PRTG: variants seen among roughly 807,000 people sequenced by gnomAD.
The protein encoded by PRTG is immunoglobulin superfamily, DCC subclass, member 5.
PRTG carries 67 observed loss-of-function variants against 122.5 expected under a neutral mutation model. That is an observed-to-expected ratio of 0.55 (90% CI 0.45 to 0.67). The LOEUF (loss-of-function observed/expected upper bound fraction) is 0.67, where lower values mean the gene tolerates loss of function less well. PRTG is among the 30% of genes least tolerant of loss of function. PRTG has a pLI of 0.00. For missense variants in PRTG, 1,435 were observed against 1,415.4 expected (o/e 1.01, Z -0.22); for synonymous variants, 554 against 501.1 (o/e 1.11, Z -1.41).
intron 11 of PRTG, among the ~76,000 whole-genome samples, chr15:55,645,695 C>T (rs540254258): frequency 6.6e-6 from 1 of 152,058 alleles, no homozygotes; most frequent in Non-Finnish European, 1.5e-5. Context: ...CCCTCCAACG[C>T]CTATGGGACA....
At chr15:55,726,456 G>C (rs1402635333) in intron 2 of PRTG, among the ~76,000 whole-genome samples, 1 of 152,052 alleles carries the variant, frequency 6.6e-6, no homozygotes, top group Non-Finnish European at 1.5e-5. Flanking sequence ...GTAACCAAGA[G>C]AGCTGGGGAG....
chr15:55,662,607 T>A (rs1267224211), intron 11 of PRTG, among the ~76,000 whole-genome samples: 1 of 152,188 alleles, frequency 6.6e-6, no homozygotes, highest in African/African-American at 2.4e-5. Context: ...CATATAAATA[T>A]GACCTTACCT....
chr15:55,742,434 A>C (rs986106459), intron 1 of PRTG: 3 of 179,966 alleles, frequency 1.7e-5, no homozygotes, highest in Non-Finnish European at 3.4e-5. Context: ...ATATAAATAA[A>C]GCCACGTGCA....
chr15:55,694,918 G>T (rs939499047), intron 2 of PRTG, among the ~76,000 whole-genome samples: 1 of 152,048 alleles, frequency 6.6e-6, no homozygotes, highest in Non-Finnish European at 1.5e-5. Context: ...CAGTGTTAAC[G>T]TAAACCAAGA....
chr15:55,680,462 C>CTT (rs35467969), intron 5 of PRTG, 29 bp downstream of exon 5: 728 of 1,227,424 alleles, frequency 5.9e-4, no homozygotes, highest in South Asian at 1.6e-3. Flanking sequence ...AAGGAAAAGA[C>CTT]TTTTTTTTTT....
At chr15:55,730,832 C>A (rs1253236464) in intron 2 of PRTG, among the ~76,000 whole-genome samples, 1 of 152,134 alleles carries the variant, frequency 6.6e-6, no homozygotes, top group African/African-American at 2.4e-5. Context: ...AATAACAAAA[C>A]CTGAGCTCTG....
intron 2 of PRTG, among the ~76,000 whole-genome samples, chr15:55,708,168 A>AC (rs1248185892): frequency 1.3e-5 from 2 of 149,976 alleles, no homozygotes; most frequent in Admixed American, 6.6e-5. Context: ...AAAAAAAAAA[A>AC]AAAAAAAAAC....
Position 55,673,369 on chromosome 15 carries a change from A to G in PRTG, c.1852+2T>C. The G allele has an allele frequency of 6.2e-7, 1 of 1,600,046 alleles. No homozygotes were observed. The highest frequency in any genetic ancestry group is 8.6e-7 in the Non-Finnish European group (1 of 1,168,882). ...TTTTCTTAACAGTCTTCAGAAATTC[A>G]CCTTTCACGCTTGTAGCTTTGGGCG... On this transcript the variant is annotated splice_donor_variant, in intron 10 of 19. Transcript: ENST00000389286. LOFTEE classifies it high-confidence loss of function.
At position 55,624,509 on chromosome 15, in the gene PRTG, TAA is replaced by T; in HGVS notation, c.2928-4_2928-3del. ...GCCGTCTTGGAAGCAGATGATTTCCTAAAACATTGGCAAGAAGAGGAAGTCTT... is the reference window on the plus strand; with the variant it reads ...GCCGTCTTGGAAGCAGATGATTTCCTAACATTGGCAAGAAGAGGAAGTCTT... On this transcript the variant is annotated splice_region_variant and splice_polypyrimidine_tract_variant and intron_variant, in intron 17 of 19. Transcript: ENST00000389286. 1 of 1,608,178 alleles carries T rather than the reference TAA, an allele frequency of 6.2e-7. No individual in the cohort carries two copies. The highest frequency in any genetic ancestry group is 8.5e-7 in the Non-Finnish European group (1 of 1,177,354).
chr15:55,685,404 A>C (rs1468336649), intron 2 of PRTG, among the ~76,000 whole-genome samples: 1 of 152,180 alleles, frequency 6.6e-6, no homozygotes, highest in Non-Finnish European at 1.5e-5. Context: ...TTGTGTATGA[A>C]ACATAAATCT....
At position 55,679,411 on chromosome 15, in the gene PRTG, T is replaced by G. The variant is rs1229073042; in HGVS notation, c.1008A>C (p.Leu336Phe). Residue 336 changes from leucine to phenylalanine, a missense_variant, in exon 7 of 20, where the codon TTA becomes TTC. Transcript: ENST00000389286. ...PPSFVEWPES[L>F]TRPRAGTARF... ...GAGCAGTGCCAGCTCGAGGCCTTGT[T>G]AAACTTTCTGGCCATTCAACAAATG... The G allele has an allele frequency of 6.2e-7, 1 of 1,612,540 alleles. No homozygotes were observed. Among genetic ancestry groups the G allele is most frequent in the Non-Finnish European group, 8.5e-7 (1 of 1,179,188 alleles).
intron 11 of PRTG, among the ~76,000 whole-genome samples, chr15:55,663,341 A>G (rs775188692): frequency 6.6e-6 from 1 of 152,152 alleles, no homozygotes; most frequent in Non-Finnish European, 1.5e-5. Context: ...TAATTTAAAA[A>G]TTAACATATA....
intron 2 of PRTG, among the ~76,000 whole-genome samples, chr15:55,732,556 G>A (rs577305922): frequency 1.4e-5 from 2 of 141,790 alleles, no homozygotes; most frequent in South Asian, 2.3e-4. Context: ...GTGCAATGGC[G>A]CGATCTCAGC....
chr15:55,628,963 T>C lies in PRTG; in HGVS notation c.2665A>G (p.Asn889Asp). Residue 889 changes from asparagine (N) to aspartate (D), a missense_variant, in exon 16 of 20, where the codon AAT becomes GAT. Physicochemically the swap from Asn to Asp is conservative, Grantham distance 23 (BLOSUM62 1). Coordinates refer to ENST00000389286, the MANE Select transcript of PRTG (RefSeq NM_173814.6). ...MALLENLVAG[N>D]VYIVKISASN... ...GCAGATATCTTGACAATGTACACATTTCCTGCTACCAAGTTTTCTAGCAAA... is the reference window on the plus strand; with the variant it reads ...GCAGATATCTTGACAATGTACACATCTCCTGCTACCAAGTTTTCTAGCAAA... 6.2e-7 allele frequency: 1 copy of C among 1,612,598 alleles called. No homozygotes were observed. Among genetic ancestry groups the C allele is most frequent in the Non-Finnish European group, 8.5e-7 (1 of 1,178,998 alleles).
intron 2 of PRTG, among the ~76,000 whole-genome samples, chr15:55,709,376 AAT>A (rs201464211): frequency 4.8e-5 from 7 of 146,370 alleles, no homozygotes; most frequent in Admixed American, 1.4e-4. Context: ...TAAAATATAC[AAT>A]ATATATATAT....
intron 11 of PRTG, among the ~76,000 whole-genome samples, chr15:55,651,144 A>G (rs537112426): frequency 1.3e-5 from 2 of 152,136 alleles, no homozygotes; most frequent in Non-Finnish European, 2.9e-5. Flanking sequence ...AGCAAATAGT[A>G]AGAGTATGTG....
At chr15:55,647,084 A>G (rs895154196) in intron 11 of PRTG, among the ~76,000 whole-genome samples, 4 of 152,152 alleles carry the variant, frequency 2.6e-5, no homozygotes, top group African/African-American at 9.6e-5. Flanking sequence ...ACTTGAGACC[A>G]GCTTGGCCAA....
intron 11 of PRTG, among the ~76,000 whole-genome samples, chr15:55,657,584 C>A (rs950376683): frequency 6.6e-6 from 1 of 152,110 alleles, no homozygotes; most frequent in Non-Finnish European, 1.5e-5. Context: ...CAACATACAG[C>A]GTTTTTCTGG....
Position 55,683,892 on chromosome 15 carries a change from A to G in PRTG, c.437T>C (p.Val146Ala), listed in dbSNP as rs553854391. 6.2e-6 allele frequency: 10 copies of G among 1,613,906 alleles called. No individual in the cohort carries two copies. In the South Asian group the frequency reaches 1.1e-4, roughly 18 times the overall value. ...AAATCGAGCAACTCCACCTTCGTGGACCTCAGTGGAAATTGGCTGGACTTC... is the reference window on the plus strand; with the variant it reads ...AAATCGAGCAACTCCACCTTCGTGGGCCTCAGTGGAAATTGGCTGGACTTC... ...AFEVQPISTEVHEGGVARFAC... is the reference protein window; with the variant it reads ...AFEVQPISTEAHEGGVARFAC... The change falls in exon 3 of 20, where the codon GTC (valine) becomes GCC (alanine). Residue 146 changes from valine to alanine, a missense_variant. Physicochemically the swap from Val to Ala is moderately conservative, Grantham distance 64. Coordinates refer to ENST00000389286, the MANE Select transcript of PRTG (RefSeq NM_173814.6).
Sources: allele counts gnomAD v4.1 joint callset (sites outside exome capture counted in the v4.1 genomes callset), GRCh38; gene constraint gnomAD v4.1.1; transcripts MANE v1.5; gene names NCBI Gene and HGNC (gene_info 2026-07-23, HGNC 2026-07-21).